The following PLCG1 variants were observed in gnomAD, a reference collection of about 807,000 sequenced individuals.
The protein encoded by PLCG1 is 1-phosphatidylinositol 4,5-bisphosphate phosphodiesterase gamma-1.
PLCG1 carries 71 observed loss-of-function variants against 177.8 expected under a neutral mutation model. That is an observed-to-expected ratio of 0.40 (90% CI 0.33 to 0.49). PLCG1 has a LOEUF of 0.49. Among genes scored for constraint, PLCG1 ranks in the 20% least tolerant of loss-of-function variants. The pLI is 0.72. For missense variants in PLCG1, 1,281 were observed against 1,709.0 expected (o/e 0.75, Z 4.42); for synonymous variants, 658 against 647.9 (o/e 1.02, Z -0.24).
intron 1 of PLCG1, among the ~76,000 whole-genome samples, chr20:41,138,342 C>T (rs1055321433): frequency 2.0e-5 from 3 of 152,154 alleles, no homozygotes; most frequent in African/African-American, 7.2e-5. Flanking sequence ...CTTTGGGTTC[C>T]CTAAGTAGAA....
rs35980938 is a variant in PLCG1 at position 41,157,204 on chromosome 20, CTGTGTGTGTGTGTGTGTGTGTGTG to C, written c.218-2388_218-2365del. Among the ~76,000 whole-genome samples, 10 of 144,034 alleles carry C rather than the reference CTGTGTGTGTGTGTGTGTGTGTGTG, an allele frequency of 6.9e-5. No homozygotes were observed. In the Middle Eastern group the frequency reaches 0.01, roughly 148 times the overall value. 94.5% of individuals were successfully genotyped at this position (144,034 alleles called of 152,430 possible). The stretch of plus-strand genomic sequence containing the variant: ...GTGCAGGAGTGCAGGCCTGTTGACT[CTGTGTGTGTGTGTGTGTGTGTGTG>C]TGTGTGTGTGTGTACAGTCACACTC... On this transcript the variant is annotated intron_variant, in intron 1 of 31. Transcript: ENST00000685551. This position sits in a 1 kb window ranked among gnomAD's most constrained non-coding sequence, Gnocchi z 5.4.
At position 41,150,813 on chromosome 20, in the gene PLCG1, T is replaced by C. The variant is rs1343833263; in HGVS notation, c.218-8793T>C. Among the ~76,000 whole-genome samples the C allele has an allele frequency of 5.9e-5, 9 of 152,250 alleles. No individual in the cohort carries two copies. The East Asian group carries it at 1.7e-3, about 29-fold the overall frequency. On this transcript the variant is annotated intron_variant, in intron 1 of 31. Coordinates refer to ENST00000685551, the MANE Select transcript of PLCG1 (RefSeq NM_002660.3). The surrounding 1 kb of genome is among the most constrained non-coding windows in gnomAD (Gnocchi z 4.0). The stretch of plus-strand genomic sequence containing the variant: ...GGCTTTTACAGAGCACTCCAAGACA[T>C]TGCTCTACACACACTCAGCTCCACA...
rs1020289639 is a variant in PLCG1 at position 41,172,985 on chromosome 20, C to T, written c.3279+108C>T. On this transcript the variant is annotated intron_variant, in intron 27 of 31. Coordinates refer to ENST00000685551, the MANE Select transcript of PLCG1 (RefSeq NM_002660.3). This position sits in a 1 kb window ranked among gnomAD's most constrained non-coding sequence, Gnocchi z 7.0. ...AGGTATTTTCAGGCATCAAGGTGGTCAGGGTGGGTGGGGCCTGAGCTGAGT... is the reference window on the plus strand; with the variant it reads ...AGGTATTTTCAGGCATCAAGGTGGTTAGGGTGGGTGGGGCCTGAGCTGAGT... The T allele has an allele frequency of 1.6e-6, 2 of 1,217,162 alleles. No individual in the cohort carries two copies. Among genetic ancestry groups the T allele is most frequent in the Admixed American group, 4.3e-5 (2 of 46,934 alleles). The allele number at this position is 1,217,162 out of a possible 1,614,324, so 75.4% of individuals were successfully genotyped here.
At position 41,163,355 on chromosome 20, in the gene PLCG1, C is replaced by G; in HGVS notation, c.790-23C>G. 6.2e-7 allele frequency: 1 copy of G among 1,603,248 alleles called. No individual in the cohort carries two copies. Among genetic ancestry groups the G allele is most frequent in the Non-Finnish European group, 8.5e-7 (1 of 1,170,452 alleles). On this transcript the variant is annotated intron_variant, in intron 8 of 31. Coordinates refer to ENST00000685551, the MANE Select transcript of PLCG1 (RefSeq NM_002660.3). This position sits in a 1 kb window ranked among gnomAD's most constrained non-coding sequence, Gnocchi z 5.2. ...TCCCTGACTGGAGGCTTCTCTCATC[C>G]CCTGCCCTCCCTACCCCATCAGGAG...
In PLCG1 at chr20:41,144,032, C is replaced by T. The variant is rs2034917842; in HGVS notation, c.217+6174C>T. Among the ~76,000 whole-genome samples the T allele has an allele frequency of 1.3e-5, 2 of 152,304 alleles. No homozygotes were observed. Among genetic ancestry groups the T allele is most frequent in the South Asian group, 4.1e-4 (2 of 4,822 alleles). On this transcript the variant is annotated intron_variant, in intron 1 of 31. Coordinates refer to ENST00000685551, the MANE Select transcript of PLCG1 (RefSeq NM_002660.3). This position sits in a 1 kb window ranked among gnomAD's most constrained non-coding sequence, Gnocchi z 4.1. ...TTCCTACTTGCTTTCTGTGTTCCTT[C>T]CCTGAGTCTGTACACAGAGGACTGG...
Position 41,148,994 on chromosome 20 carries a change from A to G in PLCG1, c.218-10612A>G, listed in dbSNP as rs1198665338. Among the ~76,000 whole-genome samples, 2 of 152,326 alleles carry G rather than the reference A, an allele frequency of 1.3e-5. No individual in the cohort carries two copies. Among genetic ancestry groups the G allele is most frequent in the East Asian group, 3.9e-4 (2 of 5,192 alleles). ...TTGGGGACCCTAATACTTACTTCAT[A>G]GTGTTATTTGCAAGTATAAAATATA... On this transcript the variant is annotated intron_variant, in intron 1 of 31. Transcript: ENST00000685551. The surrounding 1 kb of genome is among the most constrained non-coding windows in gnomAD (Gnocchi z 4.3).
In PLCG1 at chr20:41,153,879, G is replaced by C. The variant is rs1721700945; in HGVS notation, c.218-5727G>C. On this transcript the variant is annotated intron_variant, in intron 1 of 31. Transcript: ENST00000685551. The surrounding 1 kb of genome is among the most constrained non-coding windows in gnomAD (Gnocchi z 5.1). ...CCACTGCACTCCAGCCTGGGCAACA[G>C]AGCGAGACACCCAGACCCAGAGAAA... Among the ~76,000 whole-genome samples, 1 of 152,174 alleles carries C rather than the reference G, an allele frequency of 6.6e-6. No individual in the cohort carries two copies. The highest frequency in any genetic ancestry group is 1.5e-5 in the Non-Finnish European group (1 of 68,032).
chr20:41,168,310 C>T (rs1260554032), intron 20 of PLCG1, among the ~76,000 whole-genome samples: 1 of 152,204 alleles, frequency 6.6e-6, no homozygotes, highest in Non-Finnish European at 1.5e-5. Flanking sequence ...GGCCCTATTT[C>T]TCACCCCCTC....
In PLCG1 at chr20:41,166,274, T is replaced by C. The variant is rs2035690566; in HGVS notation, c.1880T>C (p.Leu627Pro). ...GTPKFFLTDN[L>P]VFDSLYDLIT... is the part of the protein sequence containing the mutation. ...CCCAAGTTCTTCTTGACAGACAACC[T>C]CGTCTTTGACTCCCTCTATGACCTC... is the stretch of plus-strand genomic sequence containing the variant. The change falls in exon 17 of 32, where the codon CTC (leucine) becomes CCC (proline). Residue 627 changes from leucine to proline, a missense_variant. Leu to Pro is a moderately conservative substitution (Grantham distance 98). This residue lies in a region of PLCG1 where 723 missense variants were observed against 1,030.0 expected (regional missense o/e 0.70). Coordinates refer to ENST00000685551, the MANE Select transcript of PLCG1 (RefSeq NM_002660.3). This position sits in a 1 kb window ranked among gnomAD's most constrained non-coding sequence, Gnocchi z 8.6. The C allele has an allele frequency of 1.2e-6, 2 of 1,614,004 alleles. No homozygotes were observed. Among genetic ancestry groups the C allele is most frequent in the African/African-American group, 2.7e-5 (2 of 74,916 alleles).
Position 41,165,582 on chromosome 20 carries a change from G to T in PLCG1, c.1611+31G>T. The T allele has an allele frequency of 6.2e-7, 1 of 1,610,664 alleles. No homozygotes were observed. The highest frequency in any genetic ancestry group is 8.5e-7 in the Non-Finnish European group (1 of 1,177,006). The stretch of plus-strand genomic sequence containing the variant: ...GAACCAGCTCAGGTCTGGGGGCTGG[G>T]CCAGGTCAGGCCTGGGCCAGGGTCA... On this transcript the variant is annotated intron_variant, in intron 15 of 31. Transcript: ENST00000685551. The surrounding 1 kb of genome is among the most constrained non-coding windows in gnomAD (Gnocchi z 6.6).
intron 24 of PLCG1, 98 bp downstream of exon 24, chr20:41,170,367 C>A: frequency 1.5e-6 from 2 of 1,316,348 alleles, no homozygotes; most frequent in South Asian, 1.3e-5. Flanking sequence ...AGCAGTGGGG[C>A]AGCCGATGGC....
intron 1 of PLCG1, among the ~76,000 whole-genome samples, chr20:41,145,071 T>C (rs1435479503): frequency 6.6e-6 from 1 of 152,168 alleles, no homozygotes; most frequent in Admixed American, 6.5e-5. Context: ...TGGTGAGTTC[T>C]ATGAAGGAAA....
At position 41,159,477 on chromosome 20, in the gene PLCG1, G is replaced by T; in HGVS notation, c.218-129G>T. 1.2e-6 allele frequency: 1 copy of T among 835,694 alleles called. No individual in the cohort carries two copies. The highest frequency in any genetic ancestry group is 1.8e-5 in the South Asian group (1 of 56,390). The allele number at this position is 835,694 out of a possible 1,614,324, so 51.8% of individuals were successfully genotyped here. A position where few individuals can be genotyped will look rare whatever the true frequency, so the allele number is the denominator to read the frequency against. ...CCTCTTATTACCAGAGTGACTGAGT[G>T]GTCTTGGCTCTGCCTCTGGGGTTCC... is the stretch of plus-strand genomic sequence containing the variant. On this transcript the variant is annotated intron_variant, in intron 1 of 31. Transcript: ENST00000685551. This position sits in a 1 kb window ranked among gnomAD's most constrained non-coding sequence, Gnocchi z 6.0.
Position 41,163,107 on chromosome 20 carries a change from T to C in PLCG1, c.717-96T>C. ...AGTAGGGAACCATGCTGGACCATTC[T>C]GGGAAGCTGTGCTGGCTGGGAGTTG... On this transcript the variant is annotated intron_variant, in intron 7 of 31. Transcript: ENST00000685551. The surrounding 1 kb of genome is among the most constrained non-coding windows in gnomAD (Gnocchi z 5.2). The C allele has an allele frequency of 6.7e-7, 1 of 1,491,046 alleles. No homozygotes were observed. The highest frequency in any genetic ancestry group is 1.7e-5 in the Admixed American group (1 of 58,436). The allele number at this position is 1,491,046 out of a possible 1,614,324, so 92.4% of individuals were successfully genotyped here. A position where few individuals can be genotyped will look rare whatever the true frequency, so the allele number is the denominator to read the frequency against.
intron 1 of PLCG1, among the ~76,000 whole-genome samples, chr20:41,155,775 G>A (rs577321821): frequency 5.3e-5 from 8 of 152,140 alleles, no homozygotes; most frequent in Non-Finnish European, 1.2e-4. Context: ...TAGACAGGTG[G>A]GCTGTCTCCA....
In PLCG1 at chr20:41,150,379, G is replaced by C. The variant is rs1007457524; in HGVS notation, c.218-9227G>C. 6.6e-6 allele frequency among the ~76,000 whole-genome samples: 1 copy of C among 152,188 alleles called. No individual in the cohort carries two copies. The highest frequency in any genetic ancestry group is 2.4e-5 in the African/African-American group (1 of 41,444). ...TCCAAGTAGCCTGAGTGTACTATGT[G>C]GGGGAGCATTTTATGAGGGACTTTT... On this transcript the variant is annotated intron_variant, in intron 1 of 31. Transcript: ENST00000685551. This position sits in a 1 kb window ranked among gnomAD's most constrained non-coding sequence, Gnocchi z 4.0.
At position 41,137,558 on chromosome 20, in the gene PLCG1, C is replaced by T. The variant is rs895872628; in HGVS notation, c.-84C>T. On this transcript the variant is annotated 5_prime_UTR_variant, in exon 1 of 32. Transcript: ENST00000685551. The surrounding 1 kb of genome is among the most constrained non-coding windows in gnomAD (Gnocchi z 7.3). ...GGTCCCGCTCGTCTGCCGCCTCAGC[C>T]TCAGCCCCAACCTCAGCCGCCGCCG... is the stretch of plus-strand genomic sequence containing the variant. 288 of 781,418 alleles carry T rather than the reference C, an allele frequency of 3.7e-4. 5 individuals carry two copies. In the East Asian group the frequency reaches 0.011, roughly 29 times the overall value. The allele number at this position is 781,418 out of a possible 1,614,324, so 48.4% of individuals were successfully genotyped here.
intron 4 of PLCG1, 170 bp from the exon 5 acceptor site, chr20:41,162,282 G>T: frequency 5.0e-5 from 8 of 159,872 alleles, no homozygotes; most frequent in East Asian, 1.9e-4. Context: ...GAGGTCCAAA[G>T]AAAGGAAGGG....
chr20:41,172,068 T>C lies in PLCG1; in HGVS notation c.2809-125T>C. 1 of 753,088 alleles carries C rather than the reference T, an allele frequency of 1.3e-6. No individual in the cohort carries two copies. The highest frequency in any genetic ancestry group is 1.5e-5 in the South Asian group (1 of 68,870). The allele number at this position is 753,088 out of a possible 1,614,324, so 46.7% of individuals were successfully genotyped here. On this transcript the variant is annotated intron_variant, in intron 24 of 31. Transcript: ENST00000685551. The surrounding 1 kb of genome is among the most constrained non-coding windows in gnomAD (Gnocchi z 7.0). ...ACTGTTGGGTGTGGTGTCTGGAAGG[T>C]ACAGGGGAAGGTGGGAGAGGGGCCC... is the stretch of plus-strand genomic sequence containing the variant.
Sources: gnomAD v4.1 joint callset for allele counts (sites outside exome capture counted in the v4.1 genomes callset) on GRCh38, gnomAD v4.1.1 for gene constraint, gnomAD v4.1.1 regional missense constraint, Gnocchi (gnomAD v3.1) non-coding constraint, MANE v1.5 for transcripts, NCBI Gene and HGNC (gene_info 2026-07-23, HGNC 2026-07-21) for gene names.